The following SDHC variants were observed in gnomAD, a reference collection of about 807,000 sequenced individuals.
SDHC encodes the protein succinate dehydrogenase cytochrome b560 subunit, mitochondrial.
SDHC carries 11 observed loss-of-function variants against 22.6 expected under a neutral mutation model. The observed-to-expected ratio is 0.49, with a 90% CI of 0.31 to 0.81. The LOEUF (loss-of-function observed/expected upper bound fraction) is 0.81, where lower values mean the gene tolerates loss of function less well. Ranked by LOEUF, SDHC falls within the 30% of genes least tolerant of loss-of-function variation. The pLI is 0.05. For synonymous variants in SDHC, 80 were observed against 77.8 expected (o/e 1.03, Z -0.15); for missense variants, 160 against 212.0 (o/e 0.75, Z 1.52).
rs551082502 is a variant in SDHC, at chr1:161,321,114, C to T, written c.21-2500C>T. On this transcript the variant is annotated intron_variant, in intron 1 of 5. Coordinates refer to ENST00000367975, the MANE Select transcript of SDHC (RefSeq NM_003001.5). ...TGCTGGGATTACAGGCGTGAGCCAT[C>T]GCGCCCGGCCCAGTCTTGATTTTTT... 4.6e-5 allele frequency among the ~76,000 whole-genome samples: 7 copies of T among 152,204 alleles called. No homozygotes were observed. The East Asian group carries it at 9.7e-4, about 21-fold the overall frequency.
At chr1:161,328,570 C>T (rs1671161406) in intron 3 of SDHC, 73 bp downstream of exon 3, 1 of 1,051,186 alleles carries the variant, frequency 9.5e-7, no homozygotes. Context: ...CTTTAGCCTA[C>T]TTGATACTTC....
intron 4 of SDHC, among the ~76,000 whole-genome samples, chr1:161,350,178 A>G (rs1250605046): frequency 6.6e-6 from 1 of 151,972 alleles, no homozygotes; most frequent in African/African-American, 2.4e-5. Flanking sequence ...CCAAAGTGCT[A>G]GGTTTACAAG....
At chr1:161,334,181 TATCTGA>T (rs1671385883) in intron 3 of SDHC, among the ~76,000 whole-genome samples, 1 of 152,182 alleles carries the variant, frequency 6.6e-6, no homozygotes, top group African/African-American at 2.4e-5. Context: ...TTCTAGAGGC[TATCTGA>T]ATTCCTTGGC....
At chr1:161,360,805 T>G (rs964142918) in intron 5 of SDHC, among the ~76,000 whole-genome samples, 2 of 150,758 alleles carry the variant, frequency 1.3e-5, no homozygotes, top group Non-Finnish European at 3.0e-5. Flanking sequence ...AAAAGAAATT[T>G]AAATAGAATA....
At chr1:161,319,062 A>C (rs543510590) in intron 1 of SDHC, among the ~76,000 whole-genome samples, 1 of 152,222 alleles carries the variant, frequency 6.6e-6, no homozygotes, top group African/African-American at 2.4e-5. Context: ...AACAAAAAAC[A>C]GAAACAAAAT....
At chr1:161,320,903 T>C (rs1670813613) in intron 1 of SDHC, among the ~76,000 whole-genome samples, 1 of 146,872 alleles carries the variant, frequency 6.8e-6, no homozygotes, top group Non-Finnish European at 1.5e-5. Context: ...CCCAGCTCAC[T>C]GCAACCTCTG....
At chr1:161,317,506 T>C (rs1452086148) in intron 1 of SDHC, among the ~76,000 whole-genome samples, 3 of 151,246 alleles carry the variant, frequency 2.0e-5, no homozygotes, top group Non-Finnish European at 4.4e-5. Context: ...CTTAGTGATT[T>C]TCAAGTATGC....
rs544260089 is a variant in SDHC, at chr1:161,329,032, C to T, written c.179+535C>T. ...AAGCGATTCTCCTGCCTCAGCCTCC[C>T]GAGTAGCTGGGGCTACAGGTGTGCA... On this transcript the variant is annotated intron_variant, in intron 3 of 5. Transcript: ENST00000367975. Among the ~76,000 whole-genome samples the T allele has an allele frequency of 5.9e-5, 9 of 151,990 alleles. No homozygotes were observed. In the South Asian group the frequency reaches 8.3e-4, roughly 14 times the overall value.
chr1:161,327,706 C>T (rs374155743), intron 2 of SDHC, among the ~76,000 whole-genome samples: 3 of 151,714 alleles, frequency 2.0e-5, no homozygotes, highest in African/African-American at 4.8e-5. Flanking sequence ...GGATTACAGT[C>T]GTGCGCCAAC....
At chr1:161,357,207 G>A (rs1242653086) in intron 5 of SDHC, among the ~76,000 whole-genome samples, 1 of 151,970 alleles carries the variant, frequency 6.6e-6, no homozygotes, top group South Asian at 2.1e-4. Context: ...GATTATAGGC[G>A]TGAGCCACCG....
intron 4 of SDHC, among the ~76,000 whole-genome samples, chr1:161,350,533 T>C (rs894359839): frequency 6.6e-6 from 1 of 152,160 alleles, no homozygotes; most frequent in Non-Finnish European, 1.5e-5. Context: ...TAAAAACATA[T>C]GCATTAAATA....
At chr1:161,339,660 GTGTTTTTT>G in intron 3 of SDHC, 1 of 87,234 alleles carries the variant, frequency 1.1e-5, no homozygotes, top group Non-Finnish European at 2.2e-5. Context: ...CCTGATACAG[GTGTTTTTT>G]TTTTTTTTTT....
At chr1:161,339,534 G>T in intron 3 of SDHC, 2 of 1,232,396 alleles carry the variant, frequency 1.6e-6, no homozygotes, top group Non-Finnish European at 1.1e-6. Flanking sequence ...AAGGAGTTTT[G>T]AGTTATAATC....
At chr1:161,343,886 T>A (rs533279704) in intron 4 of SDHC, among the ~76,000 whole-genome samples, 1 of 152,284 alleles carries the variant, frequency 6.6e-6, no homozygotes, top group South Asian at 2.1e-4. Context: ...TCATTTGTAT[T>A]CATGGCTAAA....
intron 4 of SDHC, among the ~76,000 whole-genome samples, chr1:161,351,081 A>G (rs2102358422): frequency 6.6e-6 from 1 of 152,306 alleles, no homozygotes; most frequent in South Asian, 2.1e-4. Flanking sequence ...GGAAGGCACA[A>G]ATTATCCAGT....
At chr1:161,338,121 G>A (rs572345278) in intron 3 of SDHC, among the ~76,000 whole-genome samples, 8 of 152,232 alleles carry the variant, frequency 5.3e-5, no homozygotes, top group African/African-American at 1.4e-4. Flanking sequence ...TTATGCTATC[G>A]TTCTCTGTCC....
At chr1:161,316,601 C>T (rs1390912474) in intron 1 of SDHC, among the ~76,000 whole-genome samples, 1 of 152,206 alleles carries the variant, frequency 6.6e-6, no homozygotes, top group Non-Finnish European at 1.5e-5. Flanking sequence ...TTCTTTTCCC[C>T]ATAGTCCACA....
At chr1:161,320,828 A>ATTTTTTTTTTTTT (rs71270444) in intron 1 of SDHC, among the ~76,000 whole-genome samples, 6 of 127,660 alleles carry the variant, frequency 4.7e-5, no homozygotes, top group Non-Finnish European at 9.6e-5. Flanking sequence ...TTCAGTCTTG[A>ATTTTTTTTTTTTT]TTTTTTTTTT....
intron 3 of SDHC, among the ~76,000 whole-genome samples, chr1:161,334,277 G>C (rs751095721): frequency 6.6e-6 from 1 of 152,080 alleles, no homozygotes; most frequent in Non-Finnish European, 1.5e-5. Flanking sequence ...CCCTGCTTCC[G>C]TCATCTCATT....
Sources: allele counts gnomAD v4.1 joint callset (sites outside exome capture counted in the v4.1 genomes callset), GRCh38; gene constraint gnomAD v4.1.1; transcripts MANE v1.5; gene names NCBI Gene and HGNC (gene_info 2026-07-23, HGNC 2026-07-21).